SLCO1C1: variants seen among roughly 807,000 people sequenced by gnomAD.
The protein encoded by SLCO1C1 is OAT-RP-5.
SLCO1C1 carries 70 observed loss-of-function variants against 76.4 expected under a neutral mutation model. That is an observed-to-expected ratio of 0.92 (90% CI 0.76 to 1.12). SLCO1C1 has a LOEUF of 1.12. SLCO1C1 is among the 50% of genes most tolerant of loss of function. The pLI, the probability that SLCO1C1 is intolerant of heterozygous loss-of-function variation, is 0.00. For missense variants in SLCO1C1, 912 were observed against 823.8 expected, an observed-to-expected ratio of 1.11 and a Z score of -1.31; for synonymous variants, 306 against 286.1, an observed-to-expected ratio of 1.07 and a Z score of -0.70.
intron 6 of SLCO1C1, 91 bp downstream of exon 6, chr12:20,715,376 C>T: frequency 7.2e-7 from 1 of 1,385,474 alleles, no homozygotes; most frequent in Non-Finnish European, 9.9e-7. Flanking sequence ...AGTGGGGAAG[C>T]TTTTTATACT....
intron 1 of SLCO1C1, chr12:20,696,807 GCTT>G (rs1946288755): frequency 2.6e-5 from 4 of 152,078 alleles, no homozygotes; most frequent in African/African-American, 9.7e-5. Context: ...ATGTCATTGA[GCTT>G]CCTTCCCTCT....
rs144785754 is a variant in SLCO1C1 at position 20,742,606 on chromosome 12, C to G, written c.1734-699C>G. ...TGGAGGGCAGTGGCACAATCTCGGC[C>G]CCCTGCAAGCTCCGCCTCTCGGGTT... On this transcript the variant is annotated intron_variant, in intron 12 of 14. Coordinates refer to ENST00000266509, the MANE Select transcript of SLCO1C1 (RefSeq NM_017435.5). Among the ~76,000 whole-genome samples the G allele has an allele frequency of 8.5e-5, 13 of 152,060 alleles. No individual in the cohort carries two copies. In the East Asian group the frequency reaches 2.5e-3, roughly 29 times the overall value.
In SLCO1C1 at chr12:20,752,482, A is replaced by T. The variant is rs1436084252; in HGVS notation, c.2093A>T (p.His698Leu). Residue 698 changes from histidine (H) to leucine (L), a missense_variant, in exon 15 of 15, where the codon CAT becomes CTT. Transcript: ENST00000266509. ...AAGGAAAATTACACTACAAGTGATC[A>T]TCTGCTACAACCCAACTACTGGCCA... ...FQKENYTTSD[H>L]LLQPNYWPGK... The T allele has an allele frequency of 3.1e-6, 5 of 1,611,178 alleles. No homozygotes were observed. Among genetic ancestry groups the T allele is most frequent in the Non-Finnish European group, 4.2e-6 (5 of 1,178,306 alleles).
Position 20,695,332 on chromosome 12 carries a change from C to G in SLCO1C1, c.-501C>G, listed in dbSNP as rs1946223165. 1.3e-5 allele frequency: 2 copies of G among 152,142 alleles called. No homozygotes were observed. The highest frequency in any genetic ancestry group is 4.1e-4 in the South Asian group (2 of 4,828). The allele number at this position is 152,142 out of a possible 1,614,324, so 9.4% of individuals were successfully genotyped here. On this transcript the variant is annotated 5_prime_UTR_variant, in exon 1 of 15. Coordinates refer to ENST00000266509, the MANE Select transcript of SLCO1C1 (RefSeq NM_017435.5). ...CTTCCGCCCTCCTCTGGCTTCTGTT[C>G]CTTACCCTCTGCCCCCTGCGGAGTT...
chr12:20,718,242 G>A (rs1947479964), intron 7 of SLCO1C1, among the ~76,000 whole-genome samples: 2 of 152,128 alleles, frequency 1.3e-5, no homozygotes, highest in Non-Finnish European at 2.9e-5. Context: ...CAATAACCTA[G>A]TATAAGCATT....
At chr12:20,741,475 T>C (rs531449866) in intron 12 of SLCO1C1, among the ~76,000 whole-genome samples, 1 of 152,194 alleles carries the variant, frequency 6.6e-6, no homozygotes, top group Non-Finnish European at 1.5e-5. Flanking sequence ...CACTTTCTAA[T>C]GTAATTAATG....
chr12:20,708,673 G>T (rs1412704813), intron 4 of SLCO1C1, among the ~76,000 whole-genome samples: 1 of 152,188 alleles, frequency 6.6e-6, no homozygotes, highest in African/African-American at 2.4e-5. Flanking sequence ...AGGAAGTCTG[G>T]TGCATGGATG....
intron 9 of SLCO1C1, among the ~76,000 whole-genome samples, chr12:20,723,702 AAC>A (rs1180096081): frequency 4.6e-5 from 7 of 152,206 alleles, no homozygotes; most frequent in African/African-American, 1.7e-4. Flanking sequence ...TGTTTCTAGC[AAC>A]ACAGTCAATA....
Position 20,744,529 on chromosome 12 carries a change from A to G in SLCO1C1, c.1798+1160A>G, listed in dbSNP as rs1462811426. On this transcript the variant is annotated intron_variant, in intron 13 of 14. Transcript: ENST00000266509. The stretch of plus-strand genomic sequence containing the variant: ...AATGAGCAAAAGATGTGAATTTTTC[A>G]TGGAAAAATAAATGTAATTGCCTTT... 3.9e-5 allele frequency among the ~76,000 whole-genome samples: 6 copies of G among 152,224 alleles called. No individual in the cohort carries two copies. The East Asian group carries it at 1.2e-3, about 29-fold the overall frequency.
At chr12:20,751,037 G>C in intron 14 of SLCO1C1, 1 of 741,294 alleles carries the variant, frequency 1.3e-6, no homozygotes, top group South Asian at 2.2e-5. Context: ...TATGACAAAA[G>C]TGTCCAGAAT....
chr12:20,736,267 A>G (rs1486656033), intron 10 of SLCO1C1, among the ~76,000 whole-genome samples: 1 of 52,550 alleles, frequency 1.9e-5, no homozygotes, highest in African/African-American at 3.4e-5. Context: ...GGCAGAGAAC[A>G]AAAAAAAATG....
intron 9 of SLCO1C1, among the ~76,000 whole-genome samples, chr12:20,725,186 TATA>T (rs1375287237): frequency 7.3e-6 from 1 of 136,834 alleles, no homozygotes; most frequent in African/African-American, 2.7e-5. Flanking sequence ...TTATAAATCA[TATA>T]ATTATTTATA....
At position 20,724,393 on chromosome 12, in the gene SLCO1C1, ATGTGTG is replaced by A. The variant is rs1198889669; in HGVS notation, c.1186+1153_1186+1158del. Among the ~76,000 whole-genome samples, 46 of 94,306 alleles carry A rather than the reference ATGTGTG, an allele frequency of 4.9e-4. 1 individual carries two copies. The highest frequency in any genetic ancestry group is 1.7e-3 in the African/African-American group (40 of 23,032). The allele number at this position is 94,306 out of a possible 152,430, so 61.9% of individuals were successfully genotyped here. A position where few individuals can be genotyped will look rare whatever the true frequency, so the allele number is the denominator to read the frequency against. ...CAGATGGATAATTTTGATATATATA[ATGTGTG>A]TGTGTGTGTGTGTATATATATATAT... On this transcript the variant is annotated intron_variant, in intron 9 of 14. Coordinates refer to ENST00000266509, the MANE Select transcript of SLCO1C1 (RefSeq NM_017435.5).
At chr12:20,751,323 G>A (rs1049033891) in intron 14 of SLCO1C1, among the ~76,000 whole-genome samples, 10 of 152,020 alleles carry the variant, frequency 6.6e-5, no homozygotes, top group Non-Finnish European at 1.0e-4. Flanking sequence ...TGTATATGGG[G>A]GTTGGGTGGC....
chr12:20,726,237 CCT>C (rs1401199671), intron 9 of SLCO1C1, among the ~76,000 whole-genome samples: 2 of 148,230 alleles, frequency 1.3e-5, no homozygotes, highest in Non-Finnish European at 3.0e-5. Flanking sequence ...TTCTATTCAA[CCT>C]CTCTTTTTCT....
chr12:20,744,229 C>A (rs987895784), intron 13 of SLCO1C1, among the ~76,000 whole-genome samples: 1 of 151,936 alleles, frequency 6.6e-6, no homozygotes, highest in East Asian at 1.9e-4. Flanking sequence ...ATATATTGAG[C>A]CTGTAGTATA....
intron 7 of SLCO1C1, among the ~76,000 whole-genome samples, chr12:20,719,323 A>C (rs1402314538): frequency 1.3e-5 from 2 of 152,066 alleles, no homozygotes; most frequent in Admixed American, 1.3e-4. Flanking sequence ...GAGACACAAT[A>C]ATATTGAAAT....
At chr12:20,717,535 T>TAA in intron 7 of SLCO1C1, among the ~76,000 whole-genome samples, 1 of 151,944 alleles carries the variant, frequency 6.6e-6, no homozygotes, top group African/African-American at 2.4e-5. Flanking sequence ...TTGTTGGCTC[T>TAA]TATTGGCTTC....
chr12:20,747,801 T>C (rs572591059), intron 13 of SLCO1C1, among the ~76,000 whole-genome samples: 15 of 152,252 alleles, frequency 9.9e-5, no homozygotes, highest in African/African-American at 3.4e-4. Context: ...TATTTAAAAA[T>C]GTAAACATAT....
Sources: gnomAD v4.1 joint callset for allele counts (sites outside exome capture counted in the v4.1 genomes callset) on GRCh38, gnomAD v4.1.1 for gene constraint, MANE v1.5 for transcripts, NCBI Gene and HGNC (gene_info 2026-07-23, HGNC 2026-07-21) for gene names.